Variants in ARMC1 observed in about 807,000 individuals in gnomAD.
The protein encoded by ARMC1 is armadillo repeat-containing protein 1.
ARMC1 carries 16 observed loss-of-function variants against 31.4 expected under a neutral mutation model. The observed-to-expected ratio is 0.51, with a 90% CI of 0.34 to 0.77. ARMC1 has a LOEUF of 0.77. ARMC1 is among the 30% of genes least tolerant of loss of function. ARMC1 has a pLI of 0.01. For missense variants in ARMC1, 259 were observed against 347.5 expected, an observed-to-expected ratio of 0.75 and a Z score of 2.02; for synonymous variants, 114 against 118.9, an observed-to-expected ratio of 0.96 and a Z score of 0.27.
intron 1 of ARMC1, chr8:65,633,127 AC>A (rs1200124496): frequency 6.6e-6 from 1 of 152,206 alleles, no homozygotes; most frequent in Admixed American, 6.5e-5. Flanking sequence ...TACATGTGAG[AC>A]ACCTGTAATT....
chr8:65,608,395 G>A (rs905458107), intron 4 of ARMC1, among the ~76,000 whole-genome samples: 2 of 152,140 alleles, frequency 1.3e-5, no homozygotes, highest in Non-Finnish European at 2.9e-5. Context: ...GGGGCGTGGT[G>A]GTGGGTGCCT....
chr8:65,621,536 T>C (rs1808393123), intron 3 of ARMC1, among the ~76,000 whole-genome samples: 1 of 152,196 alleles, frequency 6.6e-6, no homozygotes, highest in Admixed American at 6.5e-5. Context: ...TGAGACACAG[T>C]CTCGCTCTGT....
intron 6 of ARMC1, 129 bp from the exon 7 acceptor site, chr8:65,604,714 A>G: frequency 1.4e-6 from 1 of 727,146 alleles, no homozygotes. Context: ...CTGTGTCAAT[A>G]CAGAAAGGAG....
rs761415870 is a variant in ARMC1 at position 65,605,406 on chromosome 8, C to A, written c.582+16G>T. ...ACCTGTAATCTCAAGCATATTCAGT[C>A]TTTTAAAATACTTACCTCAGCTTTC... On this transcript the variant is annotated intron_variant, in intron 5 of 6. Coordinates refer to ENST00000276569, the MANE Select transcript of ARMC1 (RefSeq NM_018120.6). The A allele has an allele frequency of 1.9e-6, 3 of 1,613,228 alleles. No homozygotes were observed. The Admixed American group carries it at 5.0e-5, about 27-fold the overall frequency.
chr8:65,610,061 G>C (rs1287578713), intron 4 of ARMC1, among the ~76,000 whole-genome samples: 1 of 151,692 alleles, frequency 6.6e-6, no homozygotes, highest in Non-Finnish European at 1.5e-5. Context: ...ACCAGATTTA[G>C]CCTCTAGAAT....
At chr8:65,611,090 C>T (rs963885360) in intron 4 of ARMC1, among the ~76,000 whole-genome samples, 1 of 151,948 alleles carries the variant, frequency 6.6e-6, no homozygotes, top group Non-Finnish European at 1.5e-5. Context: ...TACACTATCA[C>T]ACCTGGCTAA....
chr8:65,617,036 C>A (rs1269233132), intron 3 of ARMC1, among the ~76,000 whole-genome samples: 4 of 132,520 alleles, frequency 3.0e-5, no homozygotes, highest in African/African-American at 1.2e-4. Flanking sequence ...CCACCCCGTC[C>A]GGGAGGTGGG....
At chr8:65,630,817 T>TAAAA (rs71930161) in intron 1 of ARMC1, among the ~76,000 whole-genome samples, 3 of 148,400 alleles carry the variant, frequency 2.0e-5, no homozygotes, top group Admixed American at 6.7e-5. Context: ...AGACTCCGTC[T>TAAAA]AAAAAAAAAA....
rs1422135103 is a variant in ARMC1, at chr8:65,604,411, T to C, written c.832A>G (p.Arg278Gly). The C allele has an allele frequency of 6.2e-7, 1 of 1,613,866 alleles. No homozygotes were observed. The highest frequency in any genetic ancestry group is 1.7e-5 in the Admixed American group (1 of 59,946). The stretch of plus-strand genomic sequence containing the variant: ...AAGTGAAGTCACCAATAAAATGATC[T>C]GGATAAAAAGTTTGCAGCTGTGCTA... Reference protein sequence around the residue: ...WLSTAANFLSRSFYW With the variant: ...WLSTAANFLSGSFYW The change falls in exon 7 of 7, where the codon AGA becomes GGA. Residue 278 changes from arginine to glycine, a missense_variant. Transcript: ENST00000276569.
chr8:65,618,260 C>T (rs1360923657), intron 3 of ARMC1, among the ~76,000 whole-genome samples: 6 of 152,040 alleles, frequency 3.9e-5, no homozygotes, highest in South Asian at 2.1e-4. Context: ...CAGTGGCTCA[C>T]GCCTGTAATC....
chr8:65,624,547 TTGAC>T (rs1808473315), intron 2 of ARMC1, among the ~76,000 whole-genome samples: 1 of 149,764 alleles, frequency 6.7e-6, no homozygotes, highest in Non-Finnish European at 1.5e-5. Flanking sequence ...TAAAAGATAA[TTGAC>T]TGTTTAAGGC....
intron 3 of ARMC1, among the ~76,000 whole-genome samples, chr8:65,619,716 A>G (rs1224566357): frequency 6.6e-6 from 1 of 151,460 alleles, no homozygotes; most frequent in Non-Finnish European, 1.5e-5. Flanking sequence ...AGGCGCAGTG[A>G]CTCACGCCTG....
In ARMC1 at chr8:65,627,351, C is replaced by T. The variant is rs767365121; in HGVS notation, c.48G>A (p.Ser16=). The part of the protein sequence containing the change: ...STMSEEPDAL[S]VVNQLRDLAA... ...CTAGATCCCGTAACTGGTTAACTAC[C>T]GATAGAGCGTCAGGCTCTTCACTCA... The change falls in exon 2 of 7, where the codon TCG becomes TCA. Residue 16 remains serine (S), a synonymous_variant. Transcript: ENST00000276569. The T allele has an allele frequency of 3.7e-6, 6 of 1,611,848 alleles. No homozygotes were observed. The highest frequency in any genetic ancestry group is 4.5e-5 in the East Asian group (2 of 44,810).
chr8:65,617,098 G>A lies in ARMC1; in HGVS notation c.276-3665C>T, dbSNP rs549827101. Among the ~76,000 whole-genome samples the A allele has an allele frequency of 7.7e-3, 1,168 of 152,212 alleles. 11 individuals are homozygous for A. Among genetic ancestry groups the A allele is most frequent in the Non-Finnish European group, 8.8e-3 (596 of 67,998 alleles). ...TGGGAAGTGAGGAGCCCCTCTGCCCGGCGGCCACCCTGTCTGGGAGGTGTA... is the reference window on the plus strand; with the variant it reads ...TGGGAAGTGAGGAGCCCCTCTGCCCAGCGGCCACCCTGTCTGGGAGGTGTA... On this transcript the variant is annotated intron_variant, in intron 3 of 6. Coordinates refer to ENST00000276569, the MANE Select transcript of ARMC1 (RefSeq NM_018120.6).
In ARMC1 at chr8:65,621,667, C is replaced by T. The variant is rs565300602; in HGVS notation, c.275+596G>A. Among the ~76,000 whole-genome samples the T allele has an allele frequency of 5.3e-5, 8 of 152,158 alleles. No homozygotes were observed. In the East Asian group the frequency reaches 9.7e-4, roughly 18 times the overall value. ...GGGATTACAGGCACGTGCCACCACA[C>T]CAGGCTAATTTTTGTATTTTTACTA... On this transcript the variant is annotated intron_variant, in intron 3 of 6. Transcript: ENST00000276569.
chr8:65,632,148 C>T (rs1388368968), intron 1 of ARMC1, among the ~76,000 whole-genome samples: 1 of 152,114 alleles, frequency 6.6e-6, no homozygotes, highest in Non-Finnish European at 1.5e-5. Context: ...CTCTAAAACT[C>T]TGTAAGATGG....
At chr8:65,622,905 C>T (rs567536252) in intron 2 of ARMC1, among the ~76,000 whole-genome samples, 184 of 151,442 alleles carry the variant, frequency 1.2e-3, no homozygotes, top group Non-Finnish European at 2.1e-3. Flanking sequence ...ACTTGGAAGG[C>T]TGAGGGAGCA....
At chr8:65,621,071 C>T (rs7832407) in intron 3 of ARMC1, among the ~76,000 whole-genome samples, 96,650 of 152,002 alleles carry the variant, frequency 0.64, 30,957 homozygotes, top group African/African-American at 0.69. Flanking sequence ...GCACTCTAGC[C>T]TCAGCAACAG....
At chr8:65,616,609 A>G (rs930150645) in intron 3 of ARMC1, among the ~76,000 whole-genome samples, 2 of 139,336 alleles carry the variant, frequency 1.4e-5, no homozygotes, top group African/African-American at 2.8e-5. Context: ...CTGGGATGTG[A>G]GGAGTGCCTC....
Sources: allele counts gnomAD v4.1 joint callset (sites outside exome capture counted in the v4.1 genomes callset), GRCh38; gene constraint gnomAD v4.1.1; transcripts MANE v1.5; gene names NCBI Gene and HGNC (gene_info 2026-07-23, HGNC 2026-07-21).